The following ZNF408 variants were observed in gnomAD, a reference collection of about 807,000 sequenced individuals.
ZNF408 encodes the protein PR domain zinc finger protein 17.
Under a neutral mutation model 27.6 loss-of-function variants are expected in ZNF408, and 24 were observed. The ratio of observed to expected loss-of-function variants is 0.87; its 90% CI spans 0.63 to 1.22. ZNF408 has a LOEUF of 1.22. Ranked by LOEUF, ZNF408 falls within the 50% of genes most tolerant of loss-of-function variation. ZNF408 has a pLI of 0.00. For synonymous variants in ZNF408, 410 were observed against 396.1 expected, an observed-to-expected ratio of 1.04 and a Z score of -0.42; for missense variants, 897 against 949.0, an observed-to-expected ratio of 0.95 and a Z score of 0.72.
chr11:46,705,510 G>A lies in ZNF408; in HGVS notation c.1810G>A (p.Asp604Asn). ...GCGCCACCTCAAATCTCACTTGGAG[G>A]ACAAGCCCTACCGCTGCCCCACCTG... Reference protein sequence around the residue: ...LRRHLKSHLEDKPYRCPTCGM... With the variant: ...LRRHLKSHLENKPYRCPTCGM... Residue 604 changes from aspartate (D) to asparagine (N), a missense_variant, in exon 5 of 5, where the codon GAC becomes AAC. By Grantham distance (23) the Asp-to-Asn change is conservative. Coordinates refer to ENST00000311764, the MANE Select transcript of ZNF408 (RefSeq NM_024741.3). The surrounding 1 kb of genome is among the most constrained non-coding windows in gnomAD (Gnocchi z 6.5). The A allele has an allele frequency of 6.2e-7, 1 of 1,605,158 alleles. No homozygotes were observed. The highest frequency in any genetic ancestry group is 8.5e-7 in the Non-Finnish European group (1 of 1,179,972).
At chr11:46,704,298 T>C in intron 4 of ZNF408, 55 bp from the exon 5 acceptor site, 1 of 1,514,666 alleles carries the variant, frequency 6.6e-7, no homozygotes. Context: ...AATTCCCTGG[T>C]AACACCATCT....
Position 46,705,813 on chromosome 11 carries a change from A to G in ZNF408, c.2113A>G (p.Met705Val), listed in dbSNP as rs1228854698. Residue 705 changes from methionine (M) to valine (V), a missense_variant, in exon 5 of 5, where the codon ATG becomes GTG. Physicochemically the swap from Met to Val is conservative, Grantham distance 21. Coordinates refer to ENST00000311764, the MANE Select transcript of ZNF408 (RefSeq NM_024741.3). This position sits in a 1 kb window ranked among gnomAD's most constrained non-coding sequence, Gnocchi z 6.5. ...CAGCCTGGTGCTAATCCATAAGGAC[A>G]TGGGCCTCGGCGCCTGGGCAGAGGT... The part of the protein sequence containing the change: ...APSLVLIHKD[M>V]GLGAWAEVVE... 1 of 1,612,614 alleles carries G rather than the reference A, an allele frequency of 6.2e-7. No homozygotes were observed. The highest frequency in any genetic ancestry group is 8.5e-7 in the Non-Finnish European group (1 of 1,179,564).
rs757133926 is a variant in ZNF408, at chr11:46,701,581, G to A, written c.235G>A (p.Gly79Arg). 2.5e-5 allele frequency: 40 copies of A among 1,612,466 alleles called. No homozygotes were observed. The highest frequency in any genetic ancestry group is 3.2e-5 in the Non-Finnish European group (38 of 1,179,470). Residue 79 changes from glycine to arginine, a missense_variant, in exon 2 of 5, where the codon GGG (glycine) becomes AGG (arginine). By Grantham distance (125) the Gly-to-Arg change is moderately radical (BLOSUM62 -2). Transcript: ENST00000311764. ...KEQRLGVWCV[G>R]DPLQPGLLWG... ...ACAGCGCTTGGGGGTCTGGTGTGTC[G>A]GGGACCCCCTGCAGCCCGGCCTGCT...
chr11:46,701,307 A>AG, intron 1 of ZNF408, 92 bp from the exon 2 acceptor site: 1 of 1,571,062 alleles, frequency 6.4e-7, no homozygotes, highest in Middle Eastern at 1.9e-4. Flanking sequence ...CGGGCTCCGC[A>AG]GGCCCACCTG....
In ZNF408 at chr11:46,705,127, C is replaced by T; in HGVS notation, c.1427C>T (p.Pro476Leu). 6.2e-7 allele frequency: 1 copy of T among 1,611,512 alleles called. No homozygotes were observed. Among genetic ancestry groups the T allele is most frequent in the Non-Finnish European group, 8.5e-7 (1 of 1,179,922 alleles). Residue 476 changes from proline (P) to leucine (L), a missense_variant, in exon 5 of 5, where the codon CCC (proline) becomes CTC (leucine). By Grantham distance (98) the Pro-to-Leu change is moderately conservative. Coordinates refer to ENST00000311764, the MANE Select transcript of ZNF408 (RefSeq NM_024741.3). This position sits in a 1 kb window ranked among gnomAD's most constrained non-coding sequence, Gnocchi z 6.5. ...APCPCPVCGRPLANQGSLRNH... is the reference protein window; with the variant it reads ...APCPCPVCGRLLANQGSLRNH... The stretch of plus-strand genomic sequence containing the variant: ...TGCCCATGCCCTGTGTGTGGGCGGC[C>T]CCTGGCCAACCAGGGCTCCCTGCGG...
rs1565693379 is a variant in ZNF408 at position 46,701,462 on chromosome 11, G to T, written c.116G>T (p.Gly39Val). The T allele has an allele frequency of 3.1e-6, 5 of 1,613,882 alleles. No homozygotes were observed. Among genetic ancestry groups the T allele is most frequent in the Non-Finnish European group, 4.2e-6 (5 of 1,180,024 alleles). The change falls in exon 2 of 5, where the codon GGC (glycine) becomes GTC (valine). Residue 39 changes from glycine to valine, a missense_variant. Transcript: ENST00000311764. ...CCTTCCGGAGAAGGCTGTACGCAGG[G>T]CCTCAAAGACGTCCCACCCGAGCCG... The part of the protein sequence containing the change: ...WNPSGEGCTQ[G>V]LKDVPPEPTR...
Position 46,704,555 on chromosome 11 carries a change from A to C in ZNF408, c.855A>C (p.Pro285=). 1 of 1,613,744 alleles carries C rather than the reference A, an allele frequency of 6.2e-7. No homozygotes were observed. Among genetic ancestry groups the C allele is most frequent in the Non-Finnish European group, 8.5e-7 (1 of 1,179,938 alleles). The stretch of plus-strand genomic sequence containing the variant: ...GCAATTCGGCTACCCAGCAGGACCC[A>C]GATGGCAGTGGAGCCAGTTTCTCAT... ...LQSNSATQQD[P]DGSGASFSSS... Residue 285 remains proline, a synonymous_variant, in exon 5 of 5, where the codon CCA becomes CCC. Coordinates refer to ENST00000311764, the MANE Select transcript of ZNF408 (RefSeq NM_024741.3).
Position 46,701,051 on chromosome 11 carries a change from G to A in ZNF408, c.4G>A (p.Glu2Lys), listed in dbSNP as rs766529520. Residue 2 changes from glutamate (E) to lysine (K), a missense_variant, in exon 1 of 5, where the codon GAG becomes AAG. Coordinates refer to ENST00000311764, the MANE Select transcript of ZNF408 (RefSeq NM_024741.3). The part of the protein sequence containing the change: M[E>K]EAEELLLEGK... Reference sequence around the variant, plus strand: ...TAGGGAGGCTTTCTGACCCGGAATGGAGGAGGCGGAGGAGCTGCTCTTGGA... The same window carrying A: ...TAGGGAGGCTTTCTGACCCGGAATGAAGGAGGCGGAGGAGCTGCTCTTGGA... The A allele has an allele frequency of 1.2e-6, 2 of 1,614,166 alleles. No individual in the cohort carries two copies. The highest frequency in any genetic ancestry group is 2.2e-5 in the East Asian group (1 of 44,884).
At position 46,705,464 on chromosome 11, in the gene ZNF408, C is replaced by A; in HGVS notation, c.1764C>A (p.Tyr588Ter). 3.7e-6 allele frequency: 6 copies of A among 1,607,498 alleles called. No individual in the cohort carries two copies. Among genetic ancestry groups the A allele is most frequent in the Non-Finnish European group, 5.1e-6 (6 of 1,179,964 alleles). ...CCTGTCCCCAGTGTGGCCGTGCTTA[C>A]ACGCTGGCCACCAAGCTGCGGCGCC... ...PFPCPQCGRA[Y>*]TLATKLRRHL... Residue 588 changes from tyrosine to a stop codon, truncating the protein, a stop_gained, in exon 5 of 5, where the codon TAC (tyrosine) becomes TAA (stop). Transcript: ENST00000311764. LOFTEE classifies it low-confidence loss of function (END_TRUNC). This position sits in a 1 kb window ranked among gnomAD's most constrained non-coding sequence, Gnocchi z 6.5.
chr11:46,701,649 C>A lies in ZNF408; in HGVS notation c.303C>A (p.Gly101=). The A allele has an allele frequency of 1.3e-6, 2 of 1,597,602 alleles. No individual in the cohort carries two copies. The highest frequency in any genetic ancestry group is 1.7e-6 in the Non-Finnish European group (2 of 1,169,958). The change falls in exon 2 of 5, where the codon GGC becomes GGA. Residue 101 remains glycine, a synonymous_variant. Coordinates refer to ENST00000311764, the MANE Select transcript of ZNF408 (RefSeq NM_024741.3). The part of the protein sequence containing the change: ...LEEESASKEK[G]EGVKPRQEEN... Reference sequence around the variant, plus strand: ...AGGAGTCTGCCTCCAAGGAGAAGGGCGAGGGAGTAAAGCCACGGCAGGAGG... The same window carrying A: ...AGGAGTCTGCCTCCAAGGAGAAGGGAGAGGGAGTAAAGCCACGGCAGGAGG...
At position 46,705,790 on chromosome 11, in the gene ZNF408, G is replaced by C; in HGVS notation, c.2090G>C (p.Ser697Thr). 1 of 1,611,492 alleles carries C rather than the reference G, an allele frequency of 6.2e-7. No individual in the cohort carries two copies. Among genetic ancestry groups the C allele is most frequent in the African/African-American group, 1.3e-5 (1 of 75,052 alleles). ...CCAGAGGAGCCAGATGCCGCCCCCA[G>C]CCTGGTGCTAATCCATAAGGACATG... is the stretch of plus-strand genomic sequence containing the variant. ...VVPEEPDAAP[S>T]LVLIHKDMGL... Residue 697 changes from serine (S) to threonine (T), a missense_variant, in exon 5 of 5, where the codon AGC becomes ACC. By Grantham distance (58) the Ser-to-Thr change is moderately conservative. Transcript: ENST00000311764. The surrounding 1 kb of genome is among the most constrained non-coding windows in gnomAD (Gnocchi z 6.5).
In ZNF408 at chr11:46,703,140, T is replaced by A; in HGVS notation, c.549T>A (p.Pro183=). ...CTGAGGGCCCAAGTCTCACCCAGCCTGGGCTGGACAAAGAGGCAGCTGTAG... is the reference window on the plus strand; with the variant it reads ...CTGAGGGCCCAAGTCTCACCCAGCCAGGGCTGGACAAAGAGGCAGCTGTAG... ...PSSEGPSLTQ[P]GLDKEAAVAV... is the part of the protein sequence containing the mutation. Residue 183 remains proline (P), a synonymous_variant, in exon 4 of 5, where the codon CCT becomes CCA. Coordinates refer to ENST00000311764, the MANE Select transcript of ZNF408 (RefSeq NM_024741.3). 1 of 1,612,444 alleles carries A rather than the reference T, an allele frequency of 6.2e-7. No individual in the cohort carries two copies. Among genetic ancestry groups the A allele is most frequent in the Non-Finnish European group, 8.5e-7 (1 of 1,179,488 alleles).
chr11:46,702,483 A>G (rs968679308), intron 2 of ZNF408, among the ~76,000 whole-genome samples: 1 of 152,192 alleles, frequency 6.6e-6, no homozygotes, highest in Non-Finnish European at 1.5e-5. Flanking sequence ...CAATTTAGTA[A>G]TTCTCCATAC....
Position 46,703,026 on chromosome 11 carries a change from C to T in ZNF408, c.435C>T (p.Ala145=). 1 of 1,613,980 alleles carries T rather than the reference C, an allele frequency of 6.2e-7. No homozygotes were observed. The highest frequency in any genetic ancestry group is 8.5e-7 in the Non-Finnish European group (1 of 1,179,890). The change falls in exon 4 of 5, where the codon GCC becomes GCT. Residue 145 remains alanine, a synonymous_variant. Transcript: ENST00000311764. The stretch of plus-strand genomic sequence containing the variant: ...GGCTGGAGAGTGAGGGAAATGTGGC[C>T]CCAGTGCGGATCAGCGAGAGGCTTC... ...RGRLESEGNV[A]PVRISERLHL...
chr11:46,704,524 T>C lies in ZNF408; in HGVS notation c.824T>C (p.Leu275Pro). The change falls in exon 5 of 5, where the codon CTT becomes CCT. Residue 275 changes from leucine to proline, a missense_variant. By Grantham distance (98) the Leu-to-Pro change is moderately conservative. Coordinates refer to ENST00000311764, the MANE Select transcript of ZNF408 (RefSeq NM_024741.3). The part of the protein sequence containing the change: ...CPAQAQMPPE[L>P]QSNSATQQDP... ...GCCCAGGCACAGATGCCACCTGAAC[T>C]TCAGAGCAATTCGGCTACCCAGCAG... The C allele has an allele frequency of 1.9e-6, 3 of 1,613,886 alleles. No homozygotes were observed. Among genetic ancestry groups the C allele is most frequent in the Non-Finnish European group, 2.5e-6 (3 of 1,179,988 alleles).
intron 4 of ZNF408, 103 bp downstream of exon 4, chr11:46,703,346 CTA>C: frequency 1.4e-6 from 2 of 1,389,414 alleles, no homozygotes; most frequent in Middle Eastern, 1.9e-4. Flanking sequence ...AGGAAGGACA[CTA>C]TAGAGTCTTA....
At position 46,704,536 on chromosome 11, in the gene ZNF408, C is replaced by G; in HGVS notation, c.836C>G (p.Ser279Trp). The G allele has an allele frequency of 1.2e-6, 2 of 1,613,810 alleles. No individual in the cohort carries two copies. Among genetic ancestry groups the G allele is most frequent in the Non-Finnish European group, 1.7e-6 (2 of 1,179,944 alleles). The change falls in exon 5 of 5, where the codon TCG becomes TGG. Residue 279 changes from serine to tryptophan, a missense_variant. Transcript: ENST00000311764. ...AQMPPELQSNSATQQDPDGSG... is the reference protein window; with the variant it reads ...AQMPPELQSNWATQQDPDGSG... ...ATGCCACCTGAACTTCAGAGCAATT[C>G]GGCTACCCAGCAGGACCCAGATGGC... is the stretch of plus-strand genomic sequence containing the variant.
rs755003154 is a variant in ZNF408 at position 46,701,058 on chromosome 11, C to G, written c.11C>G (p.Ala4Gly). The G allele has an allele frequency of 6.2e-7, 1 of 1,614,078 alleles. No homozygotes were observed. Among genetic ancestry groups the G allele is most frequent in the Non-Finnish European group, 8.5e-7 (1 of 1,179,990 alleles). ...GCTTTCTGACCCGGAATGGAGGAGG[C>G]GGAGGAGCTGCTCTTGGAGGGGAAG... is the stretch of plus-strand genomic sequence containing the variant. MEE[A>G]EELLLEGKKA... The change falls in exon 1 of 5, where the codon GCG becomes GGG. Residue 4 changes from alanine to glycine, a missense_variant. Ala to Gly is a moderately conservative substitution (Grantham distance 60, BLOSUM62 0). Coordinates refer to ENST00000311764, the MANE Select transcript of ZNF408 (RefSeq NM_024741.3).
In ZNF408 at chr11:46,703,065, C is replaced by T. The variant is rs781607259; in HGVS notation, c.474C>T (p.Tyr158=). 6.8e-6 allele frequency: 11 copies of T among 1,613,836 alleles called. 1 individual carries two copies. The South Asian group carries it at 1.2e-4, about 18-fold the overall frequency. The change falls in exon 4 of 5, where the codon TAC becomes TAT. Residue 158 remains tyrosine, a synonymous_variant. Transcript: ENST00000311764. ...GCGAGAGGCTTCATCTGCAAGTGTACCAGCTGGTGCTGCCAGGCTCTGAAC... is the reference window on the plus strand; with the variant it reads ...GCGAGAGGCTTCATCTGCAAGTGTATCAGCTGGTGCTGCCAGGCTCTGAAC... ...RISERLHLQV[Y]QLVLPGSELL... is the part of the protein sequence containing the mutation.
Sources: allele counts gnomAD v4.1 joint callset (sites outside exome capture counted in the v4.1 genomes callset), GRCh38; gene constraint gnomAD v4.1.1; non-coding constraint Gnocchi (gnomAD v3.1); transcripts MANE v1.5; gene names NCBI Gene and HGNC (gene_info 2026-07-23, HGNC 2026-07-21).